Variants in SLC5A2 observed in about 807,000 individuals in gnomAD.
SLC5A2 encodes the protein solute carrier family 5 member 2.
A neutral mutation model predicts 69.0 loss-of-function variants in SLC5A2; 67 were observed. The observed-to-expected ratio is 0.97, with a 90% CI of 0.80 to 1.19. SLC5A2 has a LOEUF of 1.19. Among genes scored for constraint, SLC5A2 ranks in the 50% most tolerant of loss-of-function variants. The pLI, the probability that SLC5A2 is intolerant of heterozygous loss-of-function variation, is 0.00. For missense variants in SLC5A2, 1,001 were observed against 921.5 expected (o/e 1.09, Z -1.12); for synonymous variants, 455 against 395.8 (o/e 1.15, Z -1.78).
At chr16:31,490,275 C>T (rs374416729) in intron 13 of SLC5A2, 34 bp from the exon 14 acceptor site, 40 of 1,613,610 alleles carry the variant, frequency 2.5e-5, no homozygotes, top group African/African-American at 8.0e-5. Flanking sequence ...GCTGAGTTCC[C>T]GCAAACTAAC....
Position 31,487,616 on chromosome 16 carries a change from G to C in SLC5A2, c.742G>C (p.Val248Leu). 1.2e-6 allele frequency: 2 copies of C among 1,613,862 alleles called. No homozygotes were observed. Among genetic ancestry groups the C allele is most frequent in the Non-Finnish European group, 1.7e-6 (2 of 1,179,988 alleles). ...GCTGACGGTGTCCGAGGATCCAGCC[G>C]TGGGAAACATCTCCAGCTTCTGCTA... ...TSLTVSEDPA[V>L]GNISSFCYRP... The change falls in exon 7 of 14, where the codon GTG (valine) becomes CTG (leucine). Residue 248 changes from valine (V) to leucine (L), a missense_variant. Transcript: ENST00000330498.
Position 31,487,743 on chromosome 16 carries a change from A to T in SLC5A2, c.869A>T (p.Tyr290Phe). 1.2e-6 allele frequency: 2 copies of T among 1,610,324 alleles called. No homozygotes were observed. The highest frequency in any genetic ancestry group is 1.7e-6 in the Non-Finnish European group (2 of 1,179,230). Reference sequence around the variant, plus strand: ...GGACTCACAATCGTCTCGGGCTGGTACTGGTGCAGCGACCAGGTGCGGGTA... The same window carrying T: ...GGACTCACAATCGTCTCGGGCTGGTTCTGGTGCAGCGACCAGGTGCGGGTA... ...LLGLTIVSGW[Y>F]WCSDQVIVQR... The change falls in exon 7 of 14, where the codon TAC becomes TTC. Residue 290 changes from tyrosine (Y) to phenylalanine (F), a missense_variant. Tyr to Phe is a conservative substitution (Grantham distance 22, BLOSUM62 3). Coordinates refer to ENST00000330498, the MANE Select transcript of SLC5A2 (RefSeq NM_003041.4).
chr16:31,490,761 TC>T lies in SLC5A2; in HGVS notation c.*230del. The T allele has an allele frequency of 6.6e-7, 1 of 1,526,240 alleles. No individual in the cohort carries two copies. Among genetic ancestry groups the T allele is most frequent in the Non-Finnish European group, 9.1e-7 (1 of 1,102,756 alleles). 94.5% of individuals were successfully genotyped at this position (1,526,240 alleles called of 1,614,324 possible). Reference sequence around the variant, plus strand: ...CCCTAAGGAAAAATAAAGCTGCCTTTCCCCTGTCCTGCTGTGGCCAAAGTGT... The same window carrying T: ...CCCTAAGGAAAAATAAAGCTGCCTTTCCCTGTCCTGCTGTGGCCAAAGTGT... On this transcript the variant is annotated 3_prime_UTR_variant, in exon 14 of 14. Coordinates refer to ENST00000330498, the MANE Select transcript of SLC5A2 (RefSeq NM_003041.4).
rs778008574 is a variant in SLC5A2 at position 31,485,785 on chromosome 16, G to C, written c.360G>C (p.Ala120=). The C allele has an allele frequency of 1.9e-6, 3 of 1,613,660 alleles. No homozygotes were observed. The Admixed American group carries it at 5.0e-5, about 27-fold the overall frequency. The part of the protein sequence containing the change: ...GWLFAPVYLT[A]GVITMPQYLR... ...TGTTTGCACCCGTGTACCTGACAGC[G>C]GGGGTCATCACGATGCCACAGTACC... The change falls in exon 4 of 14, where the codon GCG becomes GCC. Residue 120 remains alanine (A), a synonymous_variant. Transcript: ENST00000330498.
chr16:31,490,414 C>G lies in SLC5A2; in HGVS notation c.1898C>G (p.Ala633Gly). Residue 633 changes from alanine (A) to glycine (G), a missense_variant, in exon 14 of 14, where the codon GCA (alanine) becomes GGA (glycine). Coordinates refer to ENST00000330498, the MANE Select transcript of SLC5A2 (RefSeq NM_003041.4). ...GSPPPLTQEE[A>G]AAAARRLEDI... ...CCTCCGCCCCTTACCCAGGAGGAGG[C>G]AGCGGCAGCAGCCAGGCGGCTGGAG... is the stretch of plus-strand genomic sequence containing the variant. 6.2e-7 allele frequency: 1 copy of G among 1,613,502 alleles called. No individual in the cohort carries two copies. The highest frequency in any genetic ancestry group is 8.5e-7 in the Non-Finnish European group (1 of 1,179,874).
At position 31,489,387 on chromosome 16, in the gene SLC5A2, C is replaced by T. The variant is rs770822506; in HGVS notation, c.1665+49C>T. 26 of 1,533,504 alleles carry T rather than the reference C, an allele frequency of 1.7e-5. No individual in the cohort carries two copies. The Admixed American group carries it at 4.2e-4, about 25-fold the overall frequency. 95.0% of individuals were successfully genotyped at this position (1,533,504 alleles called of 1,614,324 possible). Reference sequence around the variant, plus strand: ...AAGCACTGTGGGACACAGCACCTACCCTCTGCTTCCTGGAGTGCCCAGCTG... The same window carrying T: ...AAGCACTGTGGGACACAGCACCTACTCTCTGCTTCCTGGAGTGCCCAGCTG... On this transcript the variant is annotated intron_variant, in intron 12 of 13. Coordinates refer to ENST00000330498, the MANE Select transcript of SLC5A2 (RefSeq NM_003041.4).
chr16:31,485,311 G>C, intron 3 of SLC5A2: 1 of 444,214 alleles, frequency 2.3e-6, no homozygotes, highest in East Asian at 4.7e-5. Flanking sequence ...CAGAGACAAA[G>C]CTCTGGGACT....
chr16:31,486,374 T>A, intron 5 of SLC5A2, 99 bp downstream of exon 5: 1 of 851,526 alleles, frequency 1.2e-6, no homozygotes, highest in Non-Finnish European at 2.0e-6. Flanking sequence ...GCTGGAGAGG[T>A]CTGGAAGGGT....
chr16:31,489,765 C>T (rs2082543828), intron 12 of SLC5A2: 1 of 447,398 alleles, frequency 2.2e-6, no homozygotes, highest in South Asian at 2.1e-5. Flanking sequence ...TCTGCAGCAG[C>T]AGGAGGAAAG....
intron 13 of SLC5A2, 31 bp from the exon 14 acceptor site, chr16:31,490,278 A>G: frequency 6.2e-7 from 1 of 1,613,782 alleles, no homozygotes; most frequent in Non-Finnish European, 8.5e-7. Flanking sequence ...GAGTTCCCGC[A>G]AACTAACTGC....
rs193920818 is a variant in SLC5A2 at position 31,485,820 on chromosome 16, G to A, written c.395G>A (p.Arg132His). ...ACGATGCCACAGTACCTGCGCAAGCGCTTCGGCGGCCGCCGCATCCGCCTC... is the reference window on the plus strand; with the variant it reads ...ACGATGCCACAGTACCTGCGCAAGCACTTCGGCGGCCGCCGCATCCGCCTC... ...VITMPQYLRK[R>H]FGGRRIRLYL... is the part of the protein sequence containing the mutation. The change falls in exon 4 of 14, where the codon CGC (arginine) becomes CAC (histidine). Residue 132 changes from arginine (R) to histidine (H), a missense_variant. Coordinates refer to ENST00000330498, the MANE Select transcript of SLC5A2 (RefSeq NM_003041.4). The A allele has an allele frequency of 9.9e-6, 16 of 1,613,116 alleles. No homozygotes were observed. The Admixed American group carries it at 1.0e-4, about 10-fold the overall frequency.
chr16:31,485,035 A>G (rs1013058532), intron 3 of SLC5A2, 112 bp downstream of exon 3: 5 of 985,866 alleles, frequency 5.1e-6, no homozygotes, highest in Non-Finnish European at 7.8e-6. Context: ...GGACTTCCCA[A>G]CTGCGGGGTG....
Position 31,489,019 on chromosome 16 carries a change from G to A in SLC5A2, c.1420G>A (p.Ala474Thr), listed in dbSNP as rs912367239. The A allele has an allele frequency of 6.2e-7, 1 of 1,600,570 alleles. No homozygotes were observed. Among genetic ancestry groups the A allele is most frequent in the Non-Finnish European group, 8.5e-7 (1 of 1,179,736 alleles). Residue 474 changes from alanine to threonine, a missense_variant, in exon 11 of 14, where the codon GCG becomes ACG. Ala to Thr is a moderately conservative substitution (Grantham distance 58). Coordinates refer to ENST00000330498, the MANE Select transcript of SLC5A2 (RefSeq NM_003041.4). The stretch of plus-strand genomic sequence containing the variant: ...GCCCGTGTCCGCCGTCTTCGTGCTG[G>A]CGCTCTTCGTGCCGCGCGTTAATGA... ...APPVSAVFVL[A>T]LFVPRVNEQG...
rs771683566 is a variant in SLC5A2, at chr16:31,488,373, T to C, written c.1022-10T>C. On this transcript the variant is annotated splice_polypyrimidine_tract_variant and intron_variant, in intron 8 of 13. Transcript: ENST00000330498. ...CCCGTCCTAACGGCGCGGTGGCCTC[T>C]CTCTGGCAGACGAGGTGGCGTGCGT... 7.4e-6 allele frequency: 12 copies of C among 1,610,748 alleles called. No individual in the cohort carries two copies. Among genetic ancestry groups the C allele is most frequent in the Non-Finnish European group, 1.0e-5 (12 of 1,179,664 alleles).
chr16:31,490,066 C>T, intron 12 of SLC5A2, 38 bp from the exon 13 acceptor site: 1 of 1,611,934 alleles, frequency 6.2e-7, no homozygotes, highest in Non-Finnish European at 8.5e-7. Flanking sequence ...CATGGGGGGA[C>T]AGAACTCCCA....
chr16:31,487,327 G>A lies in SLC5A2; in HGVS notation c.582G>A (p.Leu194=). The change falls in exon 6 of 14, where the codon CTG becomes CTA. Residue 194 remains leucine (L), a synonymous_variant. Transcript: ENST00000330498. ...GACCCCGGCCTGTTGCAGGAGGGCT[G>A]GCCGCGCTGATGTACACGGACACGG... ...ITMIYTVTGG[L]AALMYTDTVQ... 1 of 1,613,882 alleles carries A rather than the reference G, an allele frequency of 6.2e-7. No homozygotes were observed. The highest frequency in any genetic ancestry group is 8.5e-7 in the Non-Finnish European group (1 of 1,180,036).
Position 31,490,416 on chromosome 16 carries a change from G to C in SLC5A2, c.1900G>C (p.Ala634Pro). 1 of 1,613,596 alleles carries C rather than the reference G, an allele frequency of 6.2e-7. No homozygotes were observed. The highest frequency in any genetic ancestry group is 8.5e-7 in the Non-Finnish European group (1 of 1,179,910). The stretch of plus-strand genomic sequence containing the variant: ...TCCGCCCCTTACCCAGGAGGAGGCA[G>C]CGGCAGCAGCCAGGCGGCTGGAGGA... ...SPPPLTQEEA[A>P]AAARRLEDIS... The change falls in exon 14 of 14, where the codon GCG becomes CCG. Residue 634 changes from alanine (A) to proline (P), a missense_variant. Physicochemically the swap from Ala to Pro is conservative, Grantham distance 27. Coordinates refer to ENST00000330498, the MANE Select transcript of SLC5A2 (RefSeq NM_003041.4).
intron 3 of SLC5A2, chr16:31,485,460 T>A: frequency 1.8e-6 from 1 of 561,188 alleles, no homozygotes; most frequent in South Asian, 2.0e-5. Flanking sequence ...CTGGGGTTCA[T>A]ATCTAGATGA....
At chr16:31,488,289 T>G in intron 8 of SLC5A2, 94 bp from the exon 9 acceptor site, 1 of 1,597,764 alleles carries the variant, frequency 6.3e-7, no homozygotes, top group Middle Eastern at 1.7e-4. Flanking sequence ...CCTCCGGGGG[T>G]CGCACGCCTC....
Sources: allele counts gnomAD v4.1 joint callset, GRCh38; gene constraint gnomAD v4.1.1; transcripts MANE v1.5; gene names NCBI Gene and HGNC (gene_info 2026-07-23, HGNC 2026-07-21).